Variants in FRMD4A observed in about 807,000 individuals in gnomAD.
FRMD4A encodes the protein FERM domain containing 4A.
A neutral mutation model predicts 129.1 loss-of-function variants in FRMD4A; 29 were observed. The ratio of observed to expected loss-of-function variants is 0.22; its 90% CI spans 0.17 to 0.31. The LOEUF (loss-of-function observed/expected upper bound fraction) is 0.31. Ranked by LOEUF, FRMD4A falls within the 10% of genes least tolerant of loss-of-function variation. The pLI is 1.00. For synonymous variants in FRMD4A, 634 were observed against 571.6 expected (o/e 1.11, Z -1.56); for missense variants, 1,272 against 1,375.8 (o/e 0.92, Z 1.19).
At chr10:13,957,613 A>G (rs2095417631) in intron 2 of FRMD4A, among the ~76,000 whole-genome samples, 2 of 152,142 alleles carry the variant, frequency 1.3e-5, no homozygotes, top group South Asian at 4.1e-4. Context: ...AAAAGGAGGA[A>G]GAGTAAAAAT....
intron 15 of FRMD4A, among the ~76,000 whole-genome samples, chr10:13,679,490 C>CACACACACACACACACACACACAG (rs2084333550): frequency 8.3e-6 from 1 of 120,422 alleles, no homozygotes; most frequent in East Asian, 2.4e-4. Context: ...CACACACACA[C>CACACACACACACACACACACACAG]ACACACACAC....
intron 2 of FRMD4A, among the ~76,000 whole-genome samples, chr10:13,865,527 T>G (rs1041941643): frequency 6.6e-6 from 1 of 151,632 alleles, no homozygotes; most frequent in African/African-American, 2.4e-5. Context: ...CATAGCTCAC[T>G]GCAGCTTCAA....
intron 2 of FRMD4A, among the ~76,000 whole-genome samples, chr10:14,137,996 C>T (rs1839634292): frequency 6.6e-6 from 1 of 152,152 alleles, no homozygotes; most frequent in Non-Finnish European, 1.5e-5. Flanking sequence ...TGTGCCTGCC[C>T]TTCACAATAA....
intron 2 of FRMD4A, among the ~76,000 whole-genome samples, chr10:13,952,944 G>A (rs1038524183): frequency 2.0e-5 from 3 of 152,014 alleles, no homozygotes; most frequent in African/African-American, 7.2e-5. Flanking sequence ...TGATCCACCC[G>A]CCTCAGCCTC....
intron 2 of FRMD4A, among the ~76,000 whole-genome samples, chr10:13,900,663 G>A (rs1332121620): frequency 6.6e-6 from 1 of 152,058 alleles, no homozygotes; most frequent in African/African-American, 2.4e-5. Context: ...TTGGGAGGTC[G>A]AGGTGGGTGG....
chr10:14,012,175 T>C (rs557839264), intron 2 of FRMD4A, among the ~76,000 whole-genome samples: 176 of 145,612 alleles, frequency 1.2e-3, no homozygotes, highest in Admixed American at 1.8e-3. Flanking sequence ...GGGGGAAAGA[T>C]GCCTCAGGGA....
chr10:13,920,350 T>C (rs759906663), intron 2 of FRMD4A, among the ~76,000 whole-genome samples: 1 of 152,240 alleles, frequency 6.6e-6, no homozygotes, highest in African/African-American at 2.4e-5. Flanking sequence ...TCAAAAGCTA[T>C]GATGAGGTTC....
In FRMD4A at chr10:13,666,267, G is replaced by T; in HGVS notation, c.1433C>A (p.Ala478Asp). Reference protein sequence around the residue: ...EFAIQSQITEAARRLASDPNV... With the variant: ...EFAIQSQITEDARRLASDPNV... The stretch of plus-strand genomic sequence containing the variant: ...GGGGTCACTGGCTAGGCGGCGGGCG[G>T]CCTCCGTAATCTGGGACTGAATGGC... The change falls in exon 18 of 25, where the codon GCC becomes GAC. Residue 478 changes from alanine to aspartate, a missense_variant. Ala to Asp is a moderately radical substitution (Grantham distance 126). Around this residue, in one of 2 missense-constraint regions of FRMD4A, gnomAD observed 972 missense variants for 892.3 expected, o/e 1.09. Transcript: ENST00000357447. The T allele has an allele frequency of 6.2e-7, 1 of 1,614,110 alleles. No homozygotes were observed.
chr10:13,760,243 C>A (rs1002370275), intron 8 of FRMD4A, among the ~76,000 whole-genome samples: 10 of 151,968 alleles, frequency 6.6e-5, no homozygotes, highest in Admixed American at 3.3e-4. Flanking sequence ...CAATCTGGCC[C>A]TCAACAAAAA....
At chr10:14,256,898 C>T (rs761815399) in intron 2 of FRMD4A, among the ~76,000 whole-genome samples, 13 of 151,930 alleles carry the variant, frequency 8.6e-5, no homozygotes, top group Non-Finnish European at 1.8e-4. Flanking sequence ...TTTAAACATG[C>T]ATGCATGTAT....
At chr10:13,683,431 A>AC (rs1468957257) in intron 15 of FRMD4A, among the ~76,000 whole-genome samples, 3 of 151,880 alleles carry the variant, frequency 2.0e-5, no homozygotes, top group Admixed American at 6.6e-5. Context: ...AAAAAAAAAA[A>AC]ACAAAAAATA....
chr10:13,700,917 C>T (rs985826774), intron 14 of FRMD4A, among the ~76,000 whole-genome samples: 2 of 130,162 alleles, frequency 1.5e-5, no homozygotes, highest in Non-Finnish European at 3.1e-5. Flanking sequence ...GTTTTCACAG[C>T]AATTACCCTA....
chr10:13,873,446 G>A (rs1030444129), intron 2 of FRMD4A, among the ~76,000 whole-genome samples: 3 of 152,242 alleles, frequency 2.0e-5, no homozygotes, highest in Non-Finnish European at 4.4e-5. Flanking sequence ...CTAGATTGTA[G>A]TAGAACAAAG....
intron 3 of FRMD4A, among the ~76,000 whole-genome samples, chr10:13,855,968 T>C (rs971021441): frequency 1.3e-5 from 2 of 151,770 alleles, no homozygotes; most frequent in African/African-American, 2.4e-5. Flanking sequence ...TTTCCATATA[T>C]ATAAATATAA....
intron 2 of FRMD4A, chr10:13,971,557 G>A (rs945879672): frequency 3.2e-6 from 2 of 628,338 alleles, no homozygotes; most frequent in Non-Finnish European, 5.2e-6. Context: ...ATGCTTCAGA[G>A]TCCCGAACAC....
intron 2 of FRMD4A, among the ~76,000 whole-genome samples, chr10:14,165,106 A>G (rs1379049532): frequency 1.3e-5 from 2 of 152,216 alleles, no homozygotes; most frequent in African/African-American, 2.4e-5. Context: ...TTTGCAAACT[A>G]TGCATCTGAA....
chr10:13,770,698 C>T (rs2092432310), intron 6 of FRMD4A, among the ~76,000 whole-genome samples: 2 of 152,160 alleles, frequency 1.3e-5, no homozygotes, highest in African/African-American at 4.8e-5. Context: ...CCTGCCTTGG[C>T]CTCCCAAAGT....
intron 2 of FRMD4A, among the ~76,000 whole-genome samples, chr10:14,086,251 TA>T (rs993657307): frequency 1.3e-5 from 2 of 152,092 alleles, no homozygotes; most frequent in African/African-American, 2.4e-5. Context: ...ACCCTGGTAA[TA>T]AAAAAAATCT....
intron 2 of FRMD4A, among the ~76,000 whole-genome samples, chr10:13,938,007 C>G (rs758279488): frequency 1.3e-5 from 2 of 152,006 alleles, no homozygotes; most frequent in African/African-American, 2.4e-5. Context: ...TCTGTTTATC[C>G]TTTTTGTTAA....
Sources: allele counts gnomAD v4.1 joint callset (sites outside exome capture counted in the v4.1 genomes callset), GRCh38; gene constraint gnomAD v4.1.1; regional missense constraint gnomAD v4.1.1; transcripts MANE v1.5; gene names NCBI Gene and HGNC (gene_info 2026-07-23, HGNC 2026-07-21).